Variants in CTDSPL observed in about 807,000 individuals in gnomAD.
CTDSPL encodes CTD small phosphatase like, also known as CTD small phosphatase-like protein.
In CTDSPL, 8 loss-of-function variants were observed where a neutral mutation model predicts 30.5. The ratio of observed to expected loss-of-function variants is 0.26; its 90% CI spans 0.15 to 0.47. CTDSPL has a LOEUF of 0.47. CTDSPL is among the 20% of genes least tolerant of loss of function. The pLI is 0.99. For synonymous variants in CTDSPL, 110 were observed against 137.9 expected (o/e 0.80, Z 1.42); for missense variants, 248 against 366.1 (o/e 0.68, Z 2.63).
intron 2 of CTDSPL, among the ~76,000 whole-genome samples, chr3:37,953,961 G>A (rs1484254640): frequency 6.6e-6 from 1 of 152,184 alleles, no homozygotes; most frequent in East Asian, 1.9e-4. Flanking sequence ...CTCCACCAAA[G>A]TTGATTCAAA....
In CTDSPL at chr3:37,943,400, T is replaced by C. The variant is rs996510403; in HGVS notation, c.80-3657T>C. Among the ~76,000 whole-genome samples, 2 of 149,710 alleles carry C rather than the reference T, an allele frequency of 1.3e-5. 1 individual carries two copies. Among genetic ancestry groups the C allele is most frequent in the East Asian group, 3.9e-4 (2 of 5,124 alleles). The stretch of plus-strand genomic sequence containing the variant: ...TGTCAGTGTGATGAGGAGTCTACCA[T>C]GGAGGAAGCTAGGGAGTAAGGTGGG... On this transcript the variant is annotated intron_variant, in intron 1 of 7. Transcript: ENST00000273179.
chr3:37,928,608 A>G (rs1698813529), intron 1 of CTDSPL, among the ~76,000 whole-genome samples: 1 of 152,090 alleles, frequency 6.6e-6, no homozygotes, highest in Admixed American at 6.5e-5. Context: ...CCGTTTTTTA[A>G]TCAGGTTATT....
chr3:37,897,674 A>G (rs1698404298), intron 1 of CTDSPL, among the ~76,000 whole-genome samples: 1 of 152,140 alleles, frequency 6.6e-6, no homozygotes, highest in South Asian at 2.1e-4. Flanking sequence ...GCCTAGATGG[A>G]CATCTGCTTG....
intron 1 of CTDSPL, among the ~76,000 whole-genome samples, chr3:37,896,510 T>G (rs1033587490): frequency 3.9e-5 from 6 of 152,130 alleles, no homozygotes; most frequent in Admixed American, 3.9e-4. Context: ...AGGTGGGAAG[T>G]GAATGCTTTA....
chr3:37,964,032 TAAAAAAAAAAAAAAAAAAAAAAA>T (rs58061973), intron 3 of CTDSPL, among the ~76,000 whole-genome samples: 3 of 22,964 alleles, frequency 1.3e-4, no homozygotes, highest in South Asian at 1.8e-3. Flanking sequence ...TCTCAGTCAC[TAAAAAAAAAAAAAAAAAAAAAAA>T]AAAAAAAAAA....
At chr3:37,913,163 C>T (rs1052047537) in intron 1 of CTDSPL, among the ~76,000 whole-genome samples, 10 of 151,900 alleles carry the variant, frequency 6.6e-5, no homozygotes, top group Non-Finnish European at 1.2e-4. Context: ...TCTACAAAAA[C>T]GCGTAAATTA....
intron 1 of CTDSPL, 117 bp from the exon 2 acceptor site, chr3:37,946,940 C>A (rs980071774): frequency 2.8e-6 from 3 of 1,074,120 alleles, no homozygotes; most frequent in Non-Finnish European, 2.6e-6. Flanking sequence ...GCTGAGCAGG[C>A]CCTCAGGGCT....
At chr3:37,957,716 T>G (rs2125627377) in intron 3 of CTDSPL, among the ~76,000 whole-genome samples, 1 of 152,280 alleles carries the variant, frequency 6.6e-6, no homozygotes, top group East Asian at 1.9e-4. Context: ...AGCTGGGCGC[T>G]CCCTGAGGCC....
intron 2 of CTDSPL, among the ~76,000 whole-genome samples, chr3:37,956,360 G>T (rs548265778): frequency 6.6e-6 from 1 of 152,230 alleles, no homozygotes; most frequent in East Asian, 1.9e-4. Flanking sequence ...GCCTTATTAG[G>T]CCATCTAAAA....
intron 1 of CTDSPL, among the ~76,000 whole-genome samples, chr3:37,878,387 T>C (rs1449882537): frequency 6.6e-6 from 1 of 152,238 alleles, no homozygotes; most frequent in African/African-American, 2.4e-5. Context: ...TTAAAGTTTA[T>C]TTGCATACGT....
chr3:37,865,892 CAG>C (rs1284893088), intron 1 of CTDSPL, among the ~76,000 whole-genome samples: 1 of 152,160 alleles, frequency 6.6e-6, no homozygotes, highest in African/African-American at 2.4e-5. Flanking sequence ...TTGCTGCAAA[CAG>C]AGTGAGGAAA....
intron 1 of CTDSPL, among the ~76,000 whole-genome samples, chr3:37,938,539 C>T (rs1698940097): frequency 6.7e-6 from 1 of 150,040 alleles, no homozygotes; most frequent in African/African-American, 2.4e-5. Flanking sequence ...CCCAGTTGTG[C>T]CTCCATCTGT....
At chr3:37,949,579 G>A (rs1699085210) in intron 2 of CTDSPL, among the ~76,000 whole-genome samples, 1 of 152,192 alleles carries the variant, frequency 6.6e-6, no homozygotes, top group South Asian at 2.1e-4. Context: ...AAGACTAGAA[G>A]GATGGATGCC....
At chr3:37,922,484 GACA>G (rs771832330) in intron 1 of CTDSPL, among the ~76,000 whole-genome samples, 46 of 152,182 alleles carry the variant, frequency 3.0e-4, no homozygotes, top group Admixed American at 1.0e-3. Flanking sequence ...TAGATGTCAG[GACA>G]ACAATTGGGC....
chr3:37,907,908 G>T (rs1698536057), intron 1 of CTDSPL, among the ~76,000 whole-genome samples: 1 of 152,222 alleles, frequency 6.6e-6, no homozygotes, highest in Non-Finnish European at 1.5e-5. Flanking sequence ...CATTTGCCTA[G>T]ATACGGCTAG....
At chr3:37,971,571 T>G (rs1204132347) in intron 6 of CTDSPL, 72 bp downstream of exon 6, 1 of 1,384,420 alleles carries the variant, frequency 7.2e-7, no homozygotes, top group African/African-American at 1.4e-5. Context: ...CCCCAATCTG[T>G]CAAGCAGCCC....
chr3:37,965,309 A>T (rs1472286834), intron 4 of CTDSPL, among the ~76,000 whole-genome samples: 1 of 152,134 alleles, frequency 6.6e-6, no homozygotes, highest in Non-Finnish European at 1.5e-5. Flanking sequence ...ACCTTCCCTG[A>T]TCTCCATCTT....
intron 1 of CTDSPL, among the ~76,000 whole-genome samples, chr3:37,891,837 G>A (rs770215012): frequency 2.0e-5 from 3 of 152,102 alleles, no homozygotes; most frequent in African/African-American, 4.8e-5. Context: ...GATGGTGTAC[G>A]TGTATATCTG....
intron 3 of CTDSPL, among the ~76,000 whole-genome samples, chr3:37,962,401 AATT>A (rs1223410756): frequency 6.6e-6 from 1 of 152,212 alleles, no homozygotes; most frequent in Non-Finnish European, 1.5e-5. Flanking sequence ...CTGCAGCACA[AATT>A]AAAATCAATT....
Sources: allele counts gnomAD v4.1 joint callset (sites outside exome capture counted in the v4.1 genomes callset), GRCh38; gene constraint gnomAD v4.1.1; transcripts MANE v1.5; gene names NCBI Gene and HGNC (gene_info 2026-07-23, HGNC 2026-07-21).